Variants in TRIO observed in about 807,000 individuals in gnomAD.
TRIO encodes the protein triple functional domain protein.
In TRIO, 58 loss-of-function variants were observed where a neutral mutation model predicts 351.9. The ratio of observed to expected loss-of-function variants is 0.16; its 90% confidence interval spans 0.13 to 0.21. The LOEUF (loss-of-function observed/expected upper bound fraction) is 0.21, where lower values mean the gene tolerates loss of function less well. Among genes scored for constraint, TRIO ranks in the 10% least tolerant of loss-of-function variants. The probability of loss-of-function intolerance (pLI) is 1.00; values close to 1 mark genes in which losing one functional copy is unlikely to be tolerated. For missense variants in TRIO, 3,201 were observed against 4,027.8 expected (o/e 0.79, Z 5.56); for synonymous variants, 1,758 against 1,595.7 (o/e 1.10, Z -2.42).
chr5:14,507,936 C>T lies in TRIO; in HGVS notation c.8808C>T (p.Asp2936=). 1.2e-6 allele frequency: 2 copies of T among 1,614,206 alleles called. No homozygotes were observed. The highest frequency in any genetic ancestry group is 2.2e-5 in the South Asian group (2 of 91,068). The change falls in exon 57 of 57, where the codon GAC becomes GAT. Residue 2936 remains aspartate (D), a synonymous_variant. Transcript: ENST00000344204. ...CCAAGCCAACCATCAAACTGGCTGACTTTGGAGATGCTGTTCAGCTCAACA... is the reference window on the plus strand; with the variant it reads ...CCAAGCCAACCATCAAACTGGCTGATTTTGGAGATGCTGTTCAGCTCAACA... ...SLAKPTIKLA[D]FGDAVQLNTT...
At chr5:14,507,388 C>T in intron 56 of TRIO, 128 bp downstream of exon 56, 1 of 1,323,512 alleles carries the variant, frequency 7.6e-7, no homozygotes, top group African/African-American at 1.5e-5. Flanking sequence ...GTGGGTGGGG[C>T]AGCGCAGACA....
At chr5:14,165,205 G>A (rs933676911) in intron 1 of TRIO, among the ~76,000 whole-genome samples, 5 of 152,176 alleles carry the variant, frequency 3.3e-5, no homozygotes, top group African/African-American at 1.2e-4. Flanking sequence ...CTAAGGTTTG[G>A]AATATGGATC....
chr5:14,166,088 G>A (rs1788747871), intron 1 of TRIO, among the ~76,000 whole-genome samples: 1 of 152,246 alleles, frequency 6.6e-6, no homozygotes, highest in South Asian at 2.1e-4. Flanking sequence ...AAACTGTGCT[G>A]GAGGCAGTTA....
Position 14,358,350 on chromosome 5 carries a change from G to A in TRIO, c.2216+3G>A. 1 of 1,613,846 alleles carries A rather than the reference G, an allele frequency of 6.2e-7. No individual in the cohort carries two copies. Among genetic ancestry groups the A allele is most frequent in the African/African-American group, 1.3e-5 (1 of 75,024 alleles). The stretch of plus-strand genomic sequence containing the variant: ...GAGGACCTCATCCAGCAGCTCAGGT[G>A]GGCCTCACCCCTCTCCTGGTCCGAA... On this transcript the variant is annotated splice_donor_region_variant and intron_variant, in intron 12 of 56. Coordinates refer to ENST00000344204, the MANE Select transcript of TRIO (RefSeq NM_007118.4).
intron 40 of TRIO, among the ~76,000 whole-genome samples, chr5:14,474,350 G>A (rs989957520): frequency 5.9e-5 from 9 of 152,342 alleles, no homozygotes; most frequent in Admixed American, 5.2e-4. Flanking sequence ...GGAAGCACCA[G>A]CGTGGAGCCA....
At chr5:14,415,875 C>T (rs563834166) in intron 33 of TRIO, among the ~76,000 whole-genome samples, 3 of 151,974 alleles carry the variant, frequency 2.0e-5, no homozygotes, top group African/African-American at 7.2e-5. Context: ...TCACCACATT[C>T]ATTTTTTTAA....
At chr5:14,394,173 T>C in intron 28 of TRIO, 43 bp downstream of exon 28, 2 of 1,308,306 alleles carry the variant, frequency 1.5e-6, no homozygotes, top group Non-Finnish European at 2.1e-6. Flanking sequence ...TTATGAATTA[T>C]GTATTATTTT....
At chr5:14,208,357 C>T (rs1369928292) in intron 1 of TRIO, among the ~76,000 whole-genome samples, 2 of 152,236 alleles carry the variant, frequency 1.3e-5, no homozygotes, top group Non-Finnish European at 2.9e-5. Context: ...ACACATGCCA[C>T]AACCTGAGTG....
intron 5 of TRIO, 88 bp downstream of exon 5, chr5:14,291,316 A>C (rs543730625): frequency 7.1e-7 from 1 of 1,402,332 alleles, no homozygotes. Context: ...AAAGGTGGAG[A>C]ATGGTAAGGC....
intron 11 of TRIO, among the ~76,000 whole-genome samples, chr5:14,355,361 G>C (rs1002177686): frequency 2.6e-5 from 4 of 152,148 alleles, no homozygotes; most frequent in African/African-American, 7.2e-5. Context: ...TTATAACCAG[G>C]GTAATAATTT....
intron 1 of TRIO, among the ~76,000 whole-genome samples, chr5:14,147,789 G>A (rs1030173662): frequency 6.6e-6 from 1 of 152,144 alleles, no homozygotes; most frequent in Non-Finnish European, 1.5e-5. Context: ...GGCCTGGGGC[G>A]GGCTGTGCTA....
At chr5:14,469,989 C>G (rs542770064) in intron 37 of TRIO, among the ~76,000 whole-genome samples, 1 of 152,206 alleles carries the variant, frequency 6.6e-6, no homozygotes, top group African/African-American at 2.4e-5. Flanking sequence ...ATCCTCCCTT[C>G]GCTCTCAAAA....
chr5:14,413,345 C>G (rs1465748677), intron 33 of TRIO, among the ~76,000 whole-genome samples: 1 of 152,226 alleles, frequency 6.6e-6, no homozygotes, highest in African/African-American at 2.4e-5. Context: ...GCTGTTCCGT[C>G]TTTCATCCTA....
At chr5:14,317,165 C>CA (rs1739447546) in intron 9 of TRIO, among the ~76,000 whole-genome samples, 1 of 152,164 alleles carries the variant, frequency 6.6e-6, no homozygotes. Context: ...ACAGTAGGTG[C>CA]ATTATAATTA....
chr5:14,364,548 TG>T, intron 14 of TRIO, 101 bp from the exon 15 acceptor site: 1 of 1,420,934 alleles, frequency 7.0e-7, no homozygotes, highest in South Asian at 1.4e-5. Flanking sequence ...GGCCCCCAGC[TG>T]GGCAGATCAT....
chr5:14,478,063 A>G (rs912290940), intron 41 of TRIO, among the ~76,000 whole-genome samples: 2 of 152,162 alleles, frequency 1.3e-5, no homozygotes, highest in Admixed American at 6.5e-5. Flanking sequence ...GTTTGTGTCA[A>G]TCATTCTTCC....
At chr5:14,296,356 T>C (rs1737362692) in intron 6 of TRIO, among the ~76,000 whole-genome samples, 1 of 152,216 alleles carries the variant, frequency 6.6e-6, no homozygotes, top group Admixed American at 6.5e-5. Flanking sequence ...TTAAAGAACT[T>C]TGGAGGTGGA....
At position 14,366,545 on chromosome 5, in the gene TRIO, T is replaced by C. The variant is rs1744605156; in HGVS notation, c.2755-315T>C. On this transcript the variant is annotated intron_variant, in intron 15 of 56. Transcript: ENST00000344204. Reference sequence around the variant, plus strand: ...ATTATCAGGGAATTCCTGGTGTCAGTAGGTTTTCTAAAATATGGCCCATAA... The same window carrying C: ...ATTATCAGGGAATTCCTGGTGTCAGCAGGTTTTCTAAAATATGGCCCATAA... Among the ~76,000 whole-genome samples the C allele has an allele frequency of 2.0e-5, 3 of 152,198 alleles. No individual in the cohort carries two copies. The South Asian group carries it at 6.2e-4, about 31-fold the overall frequency.
rs757534688 is a variant in TRIO, at chr5:14,471,371, C to T, written c.5817C>T (p.Ser1939=). 3.1e-6 allele frequency: 5 copies of T among 1,614,044 alleles called. No homozygotes were observed. In the South Asian group the frequency reaches 5.5e-5, roughly 18 times the overall value. Residue 1939 remains serine (S), a synonymous_variant, in exon 38 of 57, where the codon AGC becomes AGT. Transcript: ENST00000344204. ...TTGTTGACCAGGGAGATAGTAGCAG[C>T]CCTTCCTTCAACCCTTCGGATAATT... ...SLLVDQGDSS[S]PSFNPSDNSL...
Sources: allele counts gnomAD v4.1 joint callset (sites outside exome capture counted in the v4.1 genomes callset), GRCh38; gene constraint gnomAD v4.1.1; transcripts MANE v1.5; gene names NCBI Gene and HGNC (gene_info 2026-07-23, HGNC 2026-07-21).